Variants in GSG1L observed in about 807,000 individuals in gnomAD.
GSG1L encodes the protein germ cell-specific gene 1-like protein.
GSG1L carries 24 observed loss-of-function variants against 42.1 expected under a neutral mutation model. The ratio of observed to expected loss-of-function variants is 0.57; its 90% confidence interval spans 0.41 to 0.80. The LOEUF (loss-of-function observed/expected upper bound fraction) is 0.80. Among genes scored for constraint, GSG1L ranks in the 30% least tolerant of loss-of-function variants. The probability of loss-of-function intolerance (pLI) is 0.00; values close to 1 mark genes in which losing one functional copy is unlikely to be tolerated. For missense variants in GSG1L, 445 were observed against 472.2 expected (o/e 0.94, Z 0.53); for synonymous variants, 215 against 203.5 (o/e 1.06, Z -0.48).
At chr16:27,947,482 G>GAAGA (rs899817194) in intron 2 of GSG1L, among the ~76,000 whole-genome samples, 4 of 142,300 alleles carry the variant, frequency 2.8e-5, no homozygotes, top group Admixed American at 7.1e-5. Flanking sequence ...AGAAAGAAAG[G>GAAGA]AAGAAAGAAA....
At chr16:28,054,776 T>C (rs1182480742) in intron 1 of GSG1L, among the ~76,000 whole-genome samples, 3 of 152,126 alleles carry the variant, frequency 2.0e-5, no homozygotes, top group Non-Finnish European at 4.4e-5. Context: ...GACAAGGGTC[T>C]ACCCACCCCT....
At chr16:27,919,574 GC>G (rs2084501348) in intron 2 of GSG1L, among the ~76,000 whole-genome samples, 1 of 152,218 alleles carries the variant, frequency 6.6e-6, no homozygotes. Context: ...AGCAAATGCA[GC>G]AGAACATCTA....
chr16:27,869,941 G>C (rs1280269038), intron 3 of GSG1L, among the ~76,000 whole-genome samples: 9 of 83,732 alleles, frequency 1.1e-4, no homozygotes, highest in Admixed American at 2.4e-4. Context: ...CTCTGTCTCT[G>C]TCTCCCTCCA....
intron 3 of GSG1L, among the ~76,000 whole-genome samples, chr16:27,881,061 GA>G: frequency 6.6e-6 from 1 of 152,058 alleles, no homozygotes; most frequent in South Asian, 2.1e-4. Flanking sequence ...CTGACCATCT[GA>G]CCCCTTCTCA....
chr16:27,916,645 T>C lies in GSG1L; in HGVS notation c.398-32007A>G, dbSNP rs145477939. 1.3e-3 allele frequency among the ~76,000 whole-genome samples: 199 copies of C among 152,184 alleles called. 3 individuals are homozygous for C. Among genetic ancestry groups the C allele is most frequent in the African/African-American group, 3.3e-3 (138 of 41,520 alleles). On this transcript the variant is annotated intron_variant, in intron 2 of 6. Transcript: ENST00000447459. The stretch of plus-strand genomic sequence containing the variant: ...GCTCTCTCCCTTTTACCTGAAAGTA[T>C]CTCTCCAAAAATTCATGGGCACCAG...
chr16:27,906,325 G>T (rs2084321041), intron 2 of GSG1L, among the ~76,000 whole-genome samples: 1 of 152,144 alleles, frequency 6.6e-6, no homozygotes, highest in African/African-American at 2.4e-5. Context: ...ATAGCGACGG[G>T]AGGGTGGGTT....
At chr16:28,038,576 G>A (rs998630790) in intron 1 of GSG1L, among the ~76,000 whole-genome samples, 4 of 152,084 alleles carry the variant, frequency 2.6e-5, no homozygotes, top group Non-Finnish European at 4.4e-5. Context: ...GGTACTACGG[G>A]CGGTGGGGGG....
intron 3 of GSG1L, among the ~76,000 whole-genome samples, chr16:27,855,589 C>T (rs538185912): frequency 2.0e-4 from 31 of 151,838 alleles, no homozygotes; most frequent in African/African-American, 6.3e-4. Flanking sequence ...GTGTGGTAGC[C>T]GGTGCCTGTA....
At chr16:27,961,849 C>T (rs904226778) in intron 2 of GSG1L, among the ~76,000 whole-genome samples, 7 of 152,092 alleles carry the variant, frequency 4.6e-5, no homozygotes, top group East Asian at 3.8e-4. Flanking sequence ...GAGTCCTTGT[C>T]GCTTTCTGGG....
intron 5 of GSG1L, among the ~76,000 whole-genome samples, chr16:27,808,795 TC>T (rs1346566539): frequency 6.6e-6 from 1 of 152,182 alleles, no homozygotes; most frequent in African/African-American, 2.4e-5. Context: ...GGTTTCTCTC[TC>T]CTCCATCATC....
At chr16:27,887,702 C>T (rs1053165002) in intron 2 of GSG1L, among the ~76,000 whole-genome samples, 8 of 152,186 alleles carry the variant, frequency 5.3e-5, no homozygotes, top group Middle Eastern at 3.2e-3. Context: ...TGATGAAGAA[C>T]CCAGATGCTG....
At position 27,801,011 on chromosome 16, in the gene GSG1L, G is replaced by C. The variant is rs147444533; in HGVS notation, c.898+6476C>G. 2.4e-3 allele frequency among the ~76,000 whole-genome samples: 359 copies of C among 152,292 alleles called. 3 individuals carry two copies. The highest frequency in any genetic ancestry group is 8.3e-3 in the African/African-American group (346 of 41,552). ...TGGTGCAGATCAGGGAAGGCTTCTC[G>C]GAGGAAGCGGCCTTTCAGCTGACTT... On this transcript the variant is annotated intron_variant, in intron 6 of 6. Transcript: ENST00000447459.
rs1289133685 is a variant in GSG1L at position 27,874,546 on chromosome 16, G to T, written c.550+9940C>A. ...GACTGCAGCCTCCTCAACCTCCCAG[G>T]CTCAAACAATCCTCCCACCTCAGCC... On this transcript the variant is annotated intron_variant, in intron 3 of 6. Coordinates refer to ENST00000447459, the MANE Select transcript of GSG1L (RefSeq NM_001109763.2). Among the ~76,000 whole-genome samples, 46 of 136,308 alleles carry T rather than the reference G, an allele frequency of 3.4e-4. No homozygotes were observed. In the Admixed American group the frequency reaches 4.0e-3, roughly 12 times the overall value. The allele number at this position is 136,308 out of a possible 152,430, so 89.4% of individuals were successfully genotyped here.
At chr16:28,017,153 C>A (rs945737266) in intron 1 of GSG1L, among the ~76,000 whole-genome samples, 8 of 152,116 alleles carry the variant, frequency 5.3e-5, no homozygotes, top group African/African-American at 1.9e-4. Context: ...AAGATAAAGA[C>A]CAGGACTGAG....
At chr16:27,843,090 G>A (rs1052052815) in intron 4 of GSG1L, among the ~76,000 whole-genome samples, 1 of 152,166 alleles carries the variant, frequency 6.6e-6, no homozygotes, top group Non-Finnish European at 1.5e-5. Flanking sequence ...GCTGCATCCC[G>A]AGCACCTAGA....
At chr16:27,832,723 A>G (rs2083285912) in intron 4 of GSG1L, among the ~76,000 whole-genome samples, 1 of 152,232 alleles carries the variant, frequency 6.6e-6, no homozygotes, top group Non-Finnish European at 1.5e-5. Context: ...ATGAGGTTGA[A>G]CAACTTTTCA....
chr16:27,886,130 GTTCC>G (rs1337986266), intron 2 of GSG1L, among the ~76,000 whole-genome samples: 1 of 152,098 alleles, frequency 6.6e-6, no homozygotes, highest in East Asian at 1.9e-4. Flanking sequence ...CTATGCCTCA[GTTCC>G]TTCATCTGTA....
At chr16:27,836,095 A>G (rs1448587778) in intron 4 of GSG1L, among the ~76,000 whole-genome samples, 1 of 152,088 alleles carries the variant, frequency 6.6e-6, no homozygotes, top group African/African-American at 2.4e-5. Flanking sequence ...TTTCTAAAGT[A>G]TATTTTTGCC....
intron 2 of GSG1L, among the ~76,000 whole-genome samples, chr16:27,948,142 G>A (rs773520393): frequency 6.6e-6 from 1 of 152,152 alleles, no homozygotes; most frequent in Admixed American, 6.6e-5. Flanking sequence ...GGGACAGGAA[G>A]TAAAATGGCA....
Sources: allele counts gnomAD v4.1 joint callset (sites outside exome capture counted in the v4.1 genomes callset), GRCh38; gene constraint gnomAD v4.1.1; transcripts MANE v1.5; gene names NCBI Gene and HGNC (gene_info 2026-07-23, HGNC 2026-07-21).